Variants in MGAT4C observed in about 807,000 individuals in gnomAD.
MGAT4C encodes alpha-1,3-mannosyl-glycoprotein 4-beta-N-acetylglucosaminyltransferase C.
MGAT4C carries 19 observed loss-of-function variants against 40.1 expected under a neutral mutation model. The ratio of observed to expected loss-of-function variants is 0.47; its 90% CI spans 0.33 to 0.70. MGAT4C has a LOEUF of 0.70. MGAT4C is among the 30% of genes least tolerant of loss of function. The probability of loss-of-function intolerance (pLI) is 0.02; values close to 1 mark genes in which losing one functional copy is unlikely to be tolerated. For synonymous variants in MGAT4C, 181 were observed against 187.1 expected (o/e 0.97, Z 0.27); for missense variants, 491 against 563.2 (o/e 0.87, Z 1.30).
chr12:86,496,145 C>T (rs1370374881), intron 2 of MGAT4C, among the ~76,000 whole-genome samples: 2 of 151,808 alleles, frequency 1.3e-5, no homozygotes, highest in African/African-American at 4.8e-5. Context: ...ATAATTGTTC[C>T]CTCCTCTAGT....
In MGAT4C at chr12:86,073,093, A is replaced by G. The variant is rs571690862; in HGVS notation, c.-56-23370T>C. Among the ~76,000 whole-genome samples the G allele has an allele frequency of 7.9e-5, 12 of 152,252 alleles. No individual in the cohort carries two copies. The Middle Eastern group carries it at 0.014, about 174-fold the overall frequency. On this transcript the variant is annotated intron_variant, in intron 1 of 4. Coordinates refer to ENST00000611864, the MANE Select transcript of MGAT4C (RefSeq NM_001351288.2). ...TATGAGAGGGACCTGGTGGGAGACA[A>G]TTGAATCATGGGGGTGGTTTTCCTC...
At chr12:86,498,647 A>G (rs1397290513) in intron 2 of MGAT4C, among the ~76,000 whole-genome samples, 1 of 151,938 alleles carries the variant, frequency 6.6e-6, no homozygotes. Context: ...TAATTGTAGC[A>G]TACTGTACTT....
chr12:86,486,136 TTAAG>T (rs1281073377), intron 2 of MGAT4C, among the ~76,000 whole-genome samples: 2 of 152,122 alleles, frequency 1.3e-5, no homozygotes, highest in African/African-American at 2.4e-5. Flanking sequence ...AGCTCTTCTA[TTAAG>T]TAATTATGTA....
intron 4 of MGAT4C, among the ~76,000 whole-genome samples, chr12:86,310,381 T>G (rs973185651): frequency 6.6e-6 from 1 of 152,162 alleles, no homozygotes; most frequent in Non-Finnish European, 1.5e-5. Context: ...CAAAGAATGG[T>G]ATGGCAAACC....
At chr12:86,072,555 C>T (rs1868763383) in intron 1 of MGAT4C, among the ~76,000 whole-genome samples, 1 of 151,802 alleles carries the variant, frequency 6.6e-6, no homozygotes, top group Admixed American at 6.6e-5. Context: ...GCATTTTTTC[C>T]CCTTTTTGTT....
intron 2 of MGAT4C, among the ~76,000 whole-genome samples, chr12:86,639,260 T>G (rs566292542): frequency 2.6e-5 from 4 of 151,882 alleles, no homozygotes; most frequent in African/African-American, 7.2e-5. Context: ...TTTGTCTCTG[T>G]GTATTGATTT....
At position 85,959,436 on chromosome 12, in the gene MGAT4C, C is replaced by G. The variant is rs990853959; in HGVS notation, c.*19853G>C. The G allele has an allele frequency of 2.6e-5, 4 of 151,628 alleles. No homozygotes were observed. The highest frequency in any genetic ancestry group is 4.8e-5 in the African/African-American group (2 of 41,282). The allele number at this position is 151,628 out of a possible 1,614,324, so 9.4% of individuals were successfully genotyped here. On this transcript the variant is annotated 3_prime_UTR_variant, in exon 5 of 5. Coordinates refer to ENST00000611864, the MANE Select transcript of MGAT4C (RefSeq NM_001351288.2). ...TCTCTTCCCCTTTCTCTCTCTTTCT[C>G]TTTTTTATTTTTGCCATTTCTTCTC...
intron 1 of MGAT4C, among the ~76,000 whole-genome samples, chr12:86,816,704 TTGTGTGTTAA>T (rs1952614601): frequency 6.6e-6 from 1 of 151,646 alleles, no homozygotes; most frequent in Non-Finnish European, 1.5e-5. Flanking sequence ...GTGAATATTT[TTGTGTGTTAA>T]TGTGTGTGTC....
intron 3 of MGAT4C, among the ~76,000 whole-genome samples, chr12:86,393,083 A>G (rs1484531188): frequency 6.6e-6 from 1 of 152,176 alleles, no homozygotes; most frequent in East Asian, 1.9e-4. Context: ...AAATAATATT[A>G]TCTTTCCAGG....
At chr12:86,308,503 C>T (rs758614102) in intron 4 of MGAT4C, among the ~76,000 whole-genome samples, 8 of 150,220 alleles carry the variant, frequency 5.3e-5, no homozygotes, top group Non-Finnish European at 1.0e-4. Flanking sequence ...AGGATGTTTT[C>T]TTCTGCAAAG....
At chr12:86,319,490 C>A (rs953188277) in intron 4 of MGAT4C, among the ~76,000 whole-genome samples, 9 of 152,084 alleles carry the variant, frequency 5.9e-5, no homozygotes, top group African/African-American at 2.2e-4. Flanking sequence ...TTTATTGGGG[C>A]ATTTATTAAC....
At chr12:86,812,112 T>C (rs544351322) in intron 1 of MGAT4C, among the ~76,000 whole-genome samples, 1 of 152,344 alleles carries the variant, frequency 6.6e-6, no homozygotes, top group East Asian at 1.9e-4. Flanking sequence ...GATTTTCCTG[T>C]GGTCATTCTA....
At chr12:86,515,742 T>A (rs1958673714) in intron 2 of MGAT4C, among the ~76,000 whole-genome samples, 1 of 149,608 alleles carries the variant, frequency 6.7e-6, no homozygotes, top group African/African-American at 2.4e-5. Flanking sequence ...GCAATTCTTT[T>A]TTTTTTTTTT....
intron 2 of MGAT4C, among the ~76,000 whole-genome samples, chr12:86,646,595 G>T (rs1344565577): frequency 1.3e-5 from 2 of 151,686 alleles, no homozygotes; most frequent in East Asian, 3.9e-4. Flanking sequence ...ATGCGGCCCT[G>T]GCTATTTTAT....
At chr12:86,592,645 T>C (rs1961377962) in intron 2 of MGAT4C, among the ~76,000 whole-genome samples, 1 of 152,116 alleles carries the variant, frequency 6.6e-6, no homozygotes, top group African/African-American at 2.4e-5. Context: ...TAGGTGTATG[T>C]GCAGAGGTGA....
At chr12:86,379,011 A>C (rs529231104) in intron 3 of MGAT4C, among the ~76,000 whole-genome samples, 1 of 152,280 alleles carries the variant, frequency 6.6e-6, no homozygotes, top group South Asian at 2.1e-4. Flanking sequence ...CCAAAAATGT[A>C]TATCTAAACA....
rs962571082 is a variant in MGAT4C at position 86,365,424 on chromosome 12, C to T, written c.-119-31297G>A. ...GGCAACATACATCCTCCCCAGCTTA[C>T]GAGGATGACGGGATTAAGAGATTAA... is the stretch of plus-strand genomic sequence containing the variant. On this transcript the variant is annotated intron_variant, in intron 3 of 7. Transcript: ENST00000548651. 9.2e-5 allele frequency among the ~76,000 whole-genome samples: 14 copies of T among 152,098 alleles called. No homozygotes were observed. The South Asian group carries it at 2.3e-3, about 25-fold the overall frequency.
At chr12:86,774,281 C>T (rs1255818489) in intron 1 of MGAT4C, among the ~76,000 whole-genome samples, 1 of 58,934 alleles carries the variant, frequency 1.7e-5, no homozygotes, top group African/African-American at 6.4e-5. Flanking sequence ...CTAAGGCTTG[C>T]TCTTTCTTTC....
intron 2 of MGAT4C, among the ~76,000 whole-genome samples, chr12:85,999,483 C>T (rs1337675480): frequency 6.6e-6 from 1 of 151,758 alleles, no homozygotes; most frequent in Non-Finnish European, 1.5e-5. Flanking sequence ...ATCTGTACTC[C>T]CCTGTGTATT....
Sources: gnomAD v4.1 joint callset for allele counts (sites outside exome capture counted in the v4.1 genomes callset) on GRCh38, gnomAD v4.1.1 for gene constraint, MANE v1.5 for transcripts, NCBI Gene and HGNC (gene_info 2026-07-23, HGNC 2026-07-21) for gene names.